The following SNX29 variants were observed in gnomAD, a reference collection of about 807,000 sequenced individuals.
SNX29 encodes sorting nexin-29.
In SNX29, 78 loss-of-function variants were observed where a neutral mutation model predicts 102.1. The observed-to-expected ratio is 0.76, with a 90% CI of 0.64 to 0.92. The LOEUF (loss-of-function observed/expected upper bound fraction) is 0.92. SNX29 is among the 40% of genes least tolerant of loss of function. The probability of loss-of-function intolerance (pLI) is 0.00; values close to 1 mark genes in which losing one functional copy is unlikely to be tolerated. For missense variants in SNX29, 1,280 were observed against 1,061.7 expected (o/e 1.21, Z -2.86); for synonymous variants, 580 against 414.5 (o/e 1.40, Z -4.85).
At chr16:12,086,274 G>C (rs924648935) in intron 11 of SNX29, among the ~76,000 whole-genome samples, 8 of 152,114 alleles carry the variant, frequency 5.3e-5, no homozygotes, top group African/African-American at 1.9e-4. Flanking sequence ...AAAGTGTTGG[G>C]ATTACAGGCG....
intron 20 of SNX29, among the ~76,000 whole-genome samples, chr16:12,568,133 A>T (rs1290050505): frequency 6.6e-6 from 1 of 152,130 alleles, no homozygotes; most frequent in African/African-American, 2.4e-5. Context: ...AGTGTTCTCC[A>T]AAGTTGCCTT....
At chr16:12,563,195 A>G (rs2078830055) in intron 20 of SNX29, among the ~76,000 whole-genome samples, 1 of 55,466 alleles carries the variant, frequency 1.8e-5, no homozygotes, top group African/African-American at 1.0e-4. Context: ...TCCCACAGTC[A>G]ACATGCTGGG....
rs1273937330 is a variant in SNX29 at position 12,125,603 on chromosome 16, C to CTTTTTTTTTTTT, written c.1403-1029_1403-1028insTTTTTTTTTTTT. On this transcript the variant is annotated intron_variant, in intron 11 of 20. Transcript: ENST00000566228. ...CAAGGGGGGCTTGTGGCTGAGATCT[C>CTTTTTTTTTTTT]TCTTTTTTTTTTTTTTTTTTTTTTT... Among the ~76,000 whole-genome samples the CTTTTTTTTTTTT allele has an allele frequency of 2.8e-5, 2 of 71,496 alleles. 1 individual carries two copies. The highest frequency in any genetic ancestry group is 1.1e-4 in the African/African-American group (2 of 18,864). The allele number at this position is 71,496 out of a possible 152,430, so 46.9% of individuals were successfully genotyped here.
At chr16:12,130,626 AC>A (rs758104811) in intron 13 of SNX29, among the ~76,000 whole-genome samples, 1 of 152,038 alleles carries the variant, frequency 6.6e-6, no homozygotes, top group Non-Finnish European at 1.5e-5. Flanking sequence ...TATCCCAGCC[AC>A]CCAGTTTGCT....
chr16:12,189,603 T>G (rs996973808), intron 13 of SNX29, among the ~76,000 whole-genome samples: 1 of 152,226 alleles, frequency 6.6e-6, no homozygotes, highest in East Asian at 1.9e-4. Flanking sequence ...ATGTCTGTTA[T>G]GCTCCTTCAC....
chr16:12,452,656 G>T (rs139260886), intron 18 of SNX29, among the ~76,000 whole-genome samples: 177 of 152,188 alleles, frequency 1.2e-3, no homozygotes, highest in African/African-American at 4.1e-3. Context: ...AGGGTCACCA[G>T]CCCTGGGGAC....
intron 18 of SNX29, among the ~76,000 whole-genome samples, chr16:12,463,813 AGTGAGTGTGT>A (rs1567590009): frequency 8.4e-6 from 1 of 118,692 alleles, no homozygotes; most frequent in African/African-American, 3.1e-5. Context: ...CACCTCCCGA[AGTGAGTGTGT>A]GTGTGTGTGT....
chr16:12,035,432 T>C (rs1323739652), intron 4 of SNX29, among the ~76,000 whole-genome samples: 7 of 152,100 alleles, frequency 4.6e-5, no homozygotes, highest in Non-Finnish European at 1.0e-4. Flanking sequence ...TCTTGTAGGA[T>C]GTGGGTGTAT....
At chr16:12,518,591 C>T (rs575199527) in intron 19 of SNX29, among the ~76,000 whole-genome samples, 39 of 152,296 alleles carry the variant, frequency 2.6e-4, no homozygotes, top group Admixed American at 5.9e-4. Flanking sequence ...TTCCTCCCTG[C>T]GAGGTTCCCT....
intron 20 of SNX29, among the ~76,000 whole-genome samples, chr16:12,551,865 G>A (rs959276269): frequency 3.9e-5 from 6 of 152,150 alleles, no homozygotes; most frequent in Non-Finnish European, 7.4e-5. Context: ...GCAGGCAGGT[G>A]ATATTTCTAG....
chr16:12,450,485 T>C (rs567334346), intron 18 of SNX29, among the ~76,000 whole-genome samples: 3 of 152,332 alleles, frequency 2.0e-5, no homozygotes, highest in African/African-American at 7.2e-5. Flanking sequence ...CACCCAATCA[T>C]AGGCAATGAT....
intron 14 of SNX29, among the ~76,000 whole-genome samples, chr16:12,219,201 C>T (rs900801950): frequency 3.6e-4 from 55 of 151,870 alleles, no homozygotes; most frequent in African/African-American, 1.1e-3. Flanking sequence ...CAGCGTCCAT[C>T]ATTTGGTTTG....
At chr16:12,555,847 A>G (rs1598001978) in intron 20 of SNX29, among the ~76,000 whole-genome samples, 2 of 151,538 alleles carry the variant, frequency 1.3e-5, no homozygotes, top group African/African-American at 2.4e-5. Flanking sequence ...AACCCCCCTC[A>G]CCACCTCCAT....
chr16:12,434,465 C>T (rs1231727829), intron 18 of SNX29, among the ~76,000 whole-genome samples: 2 of 152,118 alleles, frequency 1.3e-5, no homozygotes, highest in African/African-American at 4.8e-5. Flanking sequence ...AGCCGATGTT[C>T]ATCCATTTTT....
chr16:12,471,263 T>C (rs2087327271), intron 18 of SNX29, among the ~76,000 whole-genome samples: 1 of 152,170 alleles, frequency 6.6e-6, no homozygotes, highest in African/African-American at 2.4e-5. Flanking sequence ...TGCATGTTTG[T>C]GTGTGTGTCT....
chr16:12,275,904 G>GT (rs1257739426), intron 14 of SNX29, among the ~76,000 whole-genome samples: 2 of 90,522 alleles, frequency 2.2e-5, no homozygotes, highest in East Asian at 5.6e-4. Flanking sequence ...TTTTTTTTTG[G>GT]GGGGCGTGGT....
At chr16:12,540,564 CCTT>C (rs1378994337) in intron 20 of SNX29, among the ~76,000 whole-genome samples, 1 of 152,176 alleles carries the variant, frequency 6.6e-6, no homozygotes, top group East Asian at 1.9e-4. Context: ...TGCCATGGCC[CCTT>C]CTTTGCTTCC....
intron 18 of SNX29, among the ~76,000 whole-genome samples, chr16:12,433,210 A>C (rs2085386176): frequency 6.6e-6 from 1 of 152,168 alleles, no homozygotes; most frequent in Non-Finnish European, 1.5e-5. Flanking sequence ...AGCTTTTGTC[A>C]CCTTGAAAAC....
chr16:12,469,811 G>C (rs1411762805), intron 18 of SNX29, among the ~76,000 whole-genome samples: 4 of 152,202 alleles, frequency 2.6e-5, no homozygotes, highest in Non-Finnish European at 5.9e-5. Flanking sequence ...AGGAGTTCAA[G>C]ACCAGCCTGG....
Sources: allele counts gnomAD v4.1 joint callset (sites outside exome capture counted in the v4.1 genomes callset), GRCh38; gene constraint gnomAD v4.1.1; transcripts MANE v1.5; gene names NCBI Gene and HGNC (gene_info 2026-07-23, HGNC 2026-07-21).